AFF3: variants seen among roughly 807,000 people sequenced by gnomAD.
AFF3 encodes AF4/FMR2 family member 3.
AFF3 carries 32 observed loss-of-function variants against 129.7 expected under a neutral mutation model. That is an observed-to-expected ratio of 0.25 (90% CI 0.19 to 0.33). AFF3 has a LOEUF of 0.33. AFF3 is among the 10% of genes least tolerant of loss of function. AFF3 has a pLI of 1.00. For synonymous variants in AFF3, 644 were observed against 635.4 expected (o/e 1.01, Z -0.20); for missense variants, 1,373 against 1,592.0 (o/e 0.86, Z 2.34).
At chr2:100,140,292 G>T (rs1388177576) in intron 1 of AFF3, among the ~76,000 whole-genome samples, 2 of 152,192 alleles carry the variant, frequency 1.3e-5, no homozygotes, top group African/African-American at 4.8e-5. Flanking sequence ...TCCTTCCTCT[G>T]AGTAGTGGTG....
rs1314337255 is a variant in AFF3 at position 100,051,598 on chromosome 2, A to G, written c.54-42666T>C. Among the ~76,000 whole-genome samples the G allele has an allele frequency of 2.0e-5, 3 of 152,220 alleles. No individual in the cohort carries two copies. The East Asian group carries it at 5.8e-4, about 29-fold the overall frequency. ...CCAAGCTGTAAAAAGTTAAGATGAA[A>G]AAAACCAGCATGGCTCACATTTCTT... On this transcript the variant is annotated intron_variant, in intron 4 of 24. Transcript: ENST00000672756.
At chr2:99,839,313 T>A (rs1382954273) in intron 7 of AFF3, among the ~76,000 whole-genome samples, 3 of 152,144 alleles carry the variant, frequency 2.0e-5, no homozygotes, top group African/African-American at 7.2e-5. Context: ...TTTCACCATC[T>A]TGGCCAGGCT....
At chr2:99,644,661 G>A (rs1335200922) in intron 13 of AFF3, among the ~76,000 whole-genome samples, 3 of 152,184 alleles carry the variant, frequency 2.0e-5, no homozygotes, top group Admixed American at 1.3e-4. Context: ...CTCTGCAGAC[G>A]CGCAGTTGCT....
chr2:100,060,876 C>T (rs764407458), intron 4 of AFF3, among the ~76,000 whole-genome samples: 10 of 152,296 alleles, frequency 6.6e-5, no homozygotes, highest in Admixed American at 3.9e-4. Flanking sequence ...CATCCCACTA[C>T]GTTTAGAGCT....
At chr2:99,749,446 G>C (rs1202422126) in intron 9 of AFF3, among the ~76,000 whole-genome samples, 2 of 152,150 alleles carry the variant, frequency 1.3e-5, no homozygotes, top group Admixed American at 1.3e-4. Flanking sequence ...CTGTGCTTTG[G>C]TATGTGCCCA....
intron 14 of AFF3, among the ~76,000 whole-genome samples, chr2:99,598,987 C>A (rs3792131): frequency 6.6e-6 from 1 of 152,212 alleles, no homozygotes; most frequent in South Asian, 2.1e-4. Context: ...AACGTGCAGC[C>A]TGGCTAACAC....
chr2:99,902,749 A>C (rs1392164393), intron 7 of AFF3, among the ~76,000 whole-genome samples: 5 of 152,188 alleles, frequency 3.3e-5, no homozygotes, highest in African/African-American at 4.8e-5. Flanking sequence ...CGAAGAATAA[A>C]ACACAAAGAA....
At chr2:99,943,053 C>A (rs1042795871) in intron 7 of AFF3, among the ~76,000 whole-genome samples, 1 of 152,184 alleles carries the variant, frequency 6.6e-6, no homozygotes, top group African/African-American at 2.4e-5. Flanking sequence ...ACCCAGGCTG[C>A]TTTCAGATCA....
intron 7 of AFF3, among the ~76,000 whole-genome samples, chr2:99,839,408 C>T (rs572109938): frequency 6.6e-6 from 1 of 151,564 alleles, no homozygotes; most frequent in East Asian, 2.0e-4. Context: ...CCGTGCCTGG[C>T]CTGTTTTAAC....
At chr2:99,935,984 T>C (rs1353440257) in intron 7 of AFF3, among the ~76,000 whole-genome samples, 1 of 152,194 alleles carries the variant, frequency 6.6e-6, no homozygotes, top group Non-Finnish European at 1.5e-5. Context: ...GGGAGTTTCA[T>C]GATGAATCAC....
At chr2:99,763,679 G>A (rs1426116515) in intron 8 of AFF3, among the ~76,000 whole-genome samples, 1 of 152,220 alleles carries the variant, frequency 6.6e-6, no homozygotes, top group Non-Finnish European at 1.5e-5. Flanking sequence ...AGCATAGGCT[G>A]CTAAAATGCC....
At chr2:99,552,790 G>A (rs1339616888) in intron 24 of AFF3, among the ~76,000 whole-genome samples, 2 of 152,194 alleles carry the variant, frequency 1.3e-5, no homozygotes, top group Non-Finnish European at 2.9e-5. Flanking sequence ...CTAGCAGGCA[G>A]CTGGCAGTGC....
intron 20 of AFF3, 76 bp downstream of exon 20, chr2:99,565,411 T>C: frequency 6.4e-7 from 1 of 1,568,954 alleles, no homozygotes; most frequent in Non-Finnish European, 8.7e-7. Flanking sequence ...AGGCTGACAT[T>C]CTTTTCTCTG....
At chr2:99,777,970 A>AC (rs1684067888) in intron 8 of AFF3, among the ~76,000 whole-genome samples, 1 of 147,858 alleles carries the variant, frequency 6.8e-6, no homozygotes, top group Non-Finnish European at 1.5e-5. Context: ...AAAAAAAAAA[A>AC]ACAAAATGCA....
chr2:99,611,248 G>A (rs2105204920), intron 13 of AFF3, among the ~76,000 whole-genome samples: 1 of 152,130 alleles, frequency 6.6e-6, no homozygotes, highest in East Asian at 1.9e-4. Context: ...TTTTATGATG[G>A]CTGCTTTAAA....
chr2:99,798,729 G>A (rs1685724902), intron 8 of AFF3, among the ~76,000 whole-genome samples: 1 of 151,942 alleles, frequency 6.6e-6, no homozygotes. Context: ...TTGTCTAACG[G>A]ACCAATCAAT....
At chr2:100,131,168 C>T (rs1366767269) in intron 1 of AFF3, among the ~76,000 whole-genome samples, 1 of 152,224 alleles carries the variant, frequency 6.6e-6, no homozygotes, top group East Asian at 1.9e-4. Flanking sequence ...TTTAACCAAA[C>T]TGAGAAAGTG....
Position 99,921,444 on chromosome 2 carries a change from G to A in AFF3, c.874-83920C>T, listed in dbSNP as rs76563852. On this transcript the variant is annotated intron_variant, in intron 7 of 24. Transcript: ENST00000672756. Reference sequence around the variant, plus strand: ...ATCCTGGAATGAAACAGGACATTATGGGGAAAATTGTTGAAATCCAAACAA... The same window carrying A: ...ATCCTGGAATGAAACAGGACATTATAGGGAAAATTGTTGAAATCCAAACAA... Among the ~76,000 whole-genome samples the A allele has an allele frequency of 1.0e-2, 1,518 of 152,156 alleles. 23 individuals are homozygous for A. The highest frequency in any genetic ancestry group is 0.035 in the African/African-American group (1,445 of 41,546).
chr2:99,724,797 A>G (rs1317864920), intron 11 of AFF3, among the ~76,000 whole-genome samples: 1 of 152,170 alleles, frequency 6.6e-6, no homozygotes, highest in Non-Finnish European at 1.5e-5. Context: ...TCAAGTTCAG[A>G]ATTCTCCATT....
Sources: gnomAD v4.1 joint callset for allele counts (sites outside exome capture counted in the v4.1 genomes callset) on GRCh38, gnomAD v4.1.1 for gene constraint, MANE v1.5 for transcripts, NCBI Gene and HGNC (gene_info 2026-07-23, HGNC 2026-07-21) for gene names.